Variants in PLCB1 observed in about 807,000 individuals in gnomAD.
PLCB1 encodes the protein 1-phosphatidylinositol 4,5-bisphosphate phosphodiesterase beta-1.
A neutral mutation model predicts 161.8 loss-of-function variants in PLCB1; 46 were observed. The ratio of observed to expected loss-of-function variants is 0.28; its 90% CI spans 0.22 to 0.36. The LOEUF is 0.36. Among genes scored for constraint, PLCB1 ranks in the 10% least tolerant of loss-of-function variants. The pLI is 1.00. For synonymous variants in PLCB1, 517 were observed against 503.7 expected (o/e 1.03, Z -0.35); for missense variants, 1,016 against 1,472.5 (o/e 0.69, Z 5.07).
chr20:8,720,960 C>T (rs915890796), intron 14 of PLCB1, among the ~76,000 whole-genome samples: 31 of 151,904 alleles, frequency 2.0e-4, no homozygotes, highest in African/African-American at 5.3e-4. Flanking sequence ...TAGTAAGATA[C>T]GTTTTCTATC....
At chr20:8,426,826 A>G (rs1031180122) in intron 3 of PLCB1, among the ~76,000 whole-genome samples, 22 of 152,244 alleles carry the variant, frequency 1.4e-4, no homozygotes, top group Non-Finnish European at 4.4e-5. Context: ...AAATATATTT[A>G]AAAATACATA....
chr20:8,451,027 G>GTCCA (rs1568681660), intron 3 of PLCB1, among the ~76,000 whole-genome samples: 1 of 152,182 alleles, frequency 6.6e-6, no homozygotes, highest in Non-Finnish European at 1.5e-5. Context: ...TCTAACTGCT[G>GTCCA]TCCATGTTCA....
chr20:8,758,744 G>A (rs1981867734), intron 24 of PLCB1, among the ~76,000 whole-genome samples: 1 of 152,162 alleles, frequency 6.6e-6, no homozygotes, highest in South Asian at 2.1e-4. Context: ...ATAGTCATGT[G>A]TTCCTGAAAG....
At chr20:8,815,563 T>G (rs746912201) in intron 31 of PLCB1, among the ~76,000 whole-genome samples, 10 of 150,208 alleles carry the variant, frequency 6.7e-5, no homozygotes, top group Non-Finnish European at 1.3e-4. Context: ...CACTTTCATT[T>G]AGCCGACGTG....
At chr20:8,828,784 A>C (rs1985839550) in intron 31 of PLCB1, among the ~76,000 whole-genome samples, 1 of 152,190 alleles carries the variant, frequency 6.6e-6, no homozygotes, top group South Asian at 2.1e-4. Flanking sequence ...TTCTTCCCTG[A>C]TGTATGTATA....
At chr20:8,268,244 G>A (rs1021014378) in intron 2 of PLCB1, among the ~76,000 whole-genome samples, 22 of 152,032 alleles carry the variant, frequency 1.4e-4, no homozygotes, top group Non-Finnish European at 2.5e-4. Flanking sequence ...GTGATAGTTT[G>A]CTGAGAATGA....
chr20:8,560,004 T>C (rs1234305094), intron 3 of PLCB1, among the ~76,000 whole-genome samples: 2 of 152,034 alleles, frequency 1.3e-5, no homozygotes, highest in Non-Finnish European at 2.9e-5. Context: ...GTTCTGGAGA[T>C]ACACATCTCA....
intron 31 of PLCB1, among the ~76,000 whole-genome samples, chr20:8,819,610 G>A (rs903256871): frequency 6.6e-6 from 1 of 152,140 alleles, no homozygotes; most frequent in African/African-American, 2.4e-5. Context: ...TCAAAAATTA[G>A]TGTTATACAT....
intron 3 of PLCB1, among the ~76,000 whole-genome samples, chr20:8,537,049 T>A (rs957992110): frequency 6.6e-6 from 1 of 152,166 alleles, no homozygotes; most frequent in African/African-American, 2.4e-5. Context: ...AAGTTAGTAA[T>A]GGCAAATTCA....
intron 3 of PLCB1, among the ~76,000 whole-genome samples, chr20:8,436,347 A>G (rs1415594404): frequency 6.6e-6 from 1 of 151,600 alleles, no homozygotes; most frequent in East Asian, 1.9e-4. Context: ...AAAAAAAAGA[A>G]TATTGAACAT....
At chr20:8,745,469 T>C (rs1162494111) in intron 23 of PLCB1, among the ~76,000 whole-genome samples, 1 of 152,152 alleles carries the variant, frequency 6.6e-6, no homozygotes, top group East Asian at 1.9e-4. Flanking sequence ...TACCAGATGT[T>C]TAATAGTCCT....
At chr20:8,787,792 A>C (rs1462104232) in intron 27 of PLCB1, among the ~76,000 whole-genome samples, 3 of 152,262 alleles carry the variant, frequency 2.0e-5, no homozygotes, top group Admixed American at 1.3e-4. Context: ...TATGACAATA[A>C]ATACTTGCGT....
chr20:8,734,532 A>C (rs1980480727), intron 19 of PLCB1, among the ~76,000 whole-genome samples: 1 of 151,910 alleles, frequency 6.6e-6, no homozygotes. Flanking sequence ...ATATATATGT[A>C]TATATACATG....
At chr20:8,297,031 T>A (rs531598188) in intron 2 of PLCB1, among the ~76,000 whole-genome samples, 1 of 152,164 alleles carries the variant, frequency 6.6e-6, no homozygotes, top group East Asian at 1.9e-4. Context: ...GTTGTGTGTA[T>A]ATGTATATAT....
intron 1 of PLCB1, among the ~76,000 whole-genome samples, chr20:8,133,434 G>A (rs2051313339): frequency 1.3e-5 from 2 of 152,080 alleles, no homozygotes; most frequent in African/African-American, 4.8e-5. Flanking sequence ...GCTGACTTTT[G>A]AGAACTGAGC....
intron 27 of PLCB1, among the ~76,000 whole-genome samples, chr20:8,782,284 G>C (rs1983279798): frequency 2.0e-5 from 3 of 152,140 alleles, no homozygotes. Context: ...TGCTCACAGA[G>C]GAAGGTTGGA....
chr20:8,663,066 A>T, intron 9 of PLCB1, among the ~76,000 whole-genome samples: 1 of 146,262 alleles, frequency 6.8e-6, no homozygotes, highest in East Asian at 2.0e-4. Context: ...CTCAGTGCTG[A>T]TGTGGAAATT....
chr20:8,720,922 A>G (rs1979595777), intron 14 of PLCB1, among the ~76,000 whole-genome samples: 1 of 151,938 alleles, frequency 6.6e-6, no homozygotes, highest in Non-Finnish European at 1.5e-5. Context: ...AAGTGGCAAT[A>G]CCCTAAAAGA....
intron 11 of PLCB1, among the ~76,000 whole-genome samples, chr20:8,708,303 A>G (rs1036720637): frequency 5.3e-5 from 8 of 152,172 alleles, no homozygotes; most frequent in Admixed American, 2.0e-4. Context: ...AAATGCTAAC[A>G]ATGGTTTGGT....
Sources: allele counts gnomAD v4.1 joint callset (sites outside exome capture counted in the v4.1 genomes callset), GRCh38; gene constraint gnomAD v4.1.1; transcripts MANE v1.5; gene names NCBI Gene and HGNC (gene_info 2026-07-23, HGNC 2026-07-21).